The following ADAMTSL1 variants were observed in gnomAD, a reference collection of about 807,000 sequenced individuals.
ADAMTSL1 encodes the protein ADAMTS like 1.
In ADAMTSL1, 126 loss-of-function variants were observed where a neutral mutation model predicts 201.8. That is an observed-to-expected ratio of 0.62 (90% confidence interval 0.54 to 0.72). The LOEUF is 0.72. Ranked by LOEUF, ADAMTSL1 falls within the 30% of genes least tolerant of loss-of-function variation. The pLI is 0.00. For synonymous variants in ADAMTSL1, 1,121 were observed against 903.4 expected (o/e 1.24, Z -4.32); for missense variants, 2,679 against 2,277.8 (o/e 1.18, Z -3.59).
chr9:18,160,751 C>A (rs1443900762), intron 1 of ADAMTSL1, among the ~76,000 whole-genome samples: 3 of 151,384 alleles, frequency 2.0e-5, no homozygotes, highest in Non-Finnish European at 4.4e-5. Flanking sequence ...ACAGTCATGG[C>A]TCACTCTAGC....
At chr9:18,161,556 T>C (rs919256394) in intron 1 of ADAMTSL1, among the ~76,000 whole-genome samples, 1 of 152,094 alleles carries the variant, frequency 6.6e-6, no homozygotes, top group African/African-American at 2.4e-5. Flanking sequence ...AATTCTGGAT[T>C]ACTGTAAACC....
At chr9:18,481,435 C>A (rs965502620) in intron 1 of ADAMTSL1, among the ~76,000 whole-genome samples, 1 of 151,588 alleles carries the variant, frequency 6.6e-6, no homozygotes, top group African/African-American at 2.4e-5. Context: ...ATCCCAGCTA[C>A]GGAGATTAAG....
intron 2 of ADAMTSL1, among the ~76,000 whole-genome samples, chr9:18,305,114 C>T (rs546573201): frequency 6.6e-6 from 1 of 152,284 alleles, no homozygotes; most frequent in African/African-American, 2.4e-5. Context: ...GTCAGGAACT[C>T]CCTCTCCTAG....
chr9:18,697,948 C>T (rs1831658377), intron 13 of ADAMTSL1, among the ~76,000 whole-genome samples: 2 of 152,126 alleles, frequency 1.3e-5, no homozygotes, highest in Non-Finnish European at 2.9e-5. Context: ...TAGTTAAGAG[C>T]ACAAAACCTT....
In ADAMTSL1 at chr9:17,945,461, A is replaced by G. The variant is rs893379550; in HGVS notation, c.87+38539A>G. On this transcript the variant is annotated intron_variant, in intron 1 of 29. Transcript: ENST00000680146. The stretch of plus-strand genomic sequence containing the variant: ...TACCATTTGACCCAGCCATCCCATT[A>G]CTGGGTATATACCCAAAGGATTATA... 7.7e-3 allele frequency among the ~76,000 whole-genome samples: 1,161 copies of G among 149,962 alleles called. 3 individuals carry two copies. Among genetic ancestry groups the G allele is most frequent in the Non-Finnish European group, 0.012 (811 of 67,614 alleles).
chr9:18,661,797 A>G, intron 8 of ADAMTSL1, 138 bp from the exon 9 acceptor site: 2 of 905,624 alleles, frequency 2.2e-6, no homozygotes, highest in Non-Finnish European at 3.2e-6. Context: ...TGAGCCTTCC[A>G]ATTATGTGTC....
chr9:18,658,486 A>C (rs1023187393), intron 8 of ADAMTSL1, among the ~76,000 whole-genome samples: 2 of 152,226 alleles, frequency 1.3e-5, no homozygotes, highest in Non-Finnish European at 2.9e-5. Context: ...TACCAGGAAA[A>C]AAAATCTCTG....
chr9:18,522,601 C>G (rs1349275854), intron 2 of ADAMTSL1, among the ~76,000 whole-genome samples: 2 of 146,040 alleles, frequency 1.4e-5, no homozygotes, highest in Non-Finnish European at 3.0e-5. Context: ...TCCCCACACC[C>G]CATGACAGGC....
intron 4 of ADAMTSL1, among the ~76,000 whole-genome samples, chr9:18,583,000 C>G (rs1823213360): frequency 6.6e-6 from 1 of 152,220 alleles, no homozygotes; most frequent in South Asian, 2.1e-4. Flanking sequence ...GTGAGGCTGC[C>G]CCAGCCACAT....
chr9:18,565,481 C>T (rs1821824226), intron 3 of ADAMTSL1, among the ~76,000 whole-genome samples: 1 of 150,828 alleles, frequency 6.6e-6, no homozygotes, highest in African/African-American at 2.4e-5. Flanking sequence ...ACCTTTTGCA[C>T]CAGGAAAAAG....
Position 18,909,354 on chromosome 9 carries a change from A to C in ADAMTSL1, c.*806A>C, listed in dbSNP as rs986725215. 2 of 152,238 alleles carry C rather than the reference A, an allele frequency of 1.3e-5. No homozygotes were observed. Among genetic ancestry groups the C allele is most frequent in the Non-Finnish European group, 2.9e-5 (2 of 68,080 alleles). 9.4% of individuals were successfully genotyped at this position (152,238 alleles called of 1,614,324 possible). On this transcript the variant is annotated 3_prime_UTR_variant, in exon 29 of 29. Coordinates refer to ENST00000380548, the MANE Select transcript of ADAMTSL1 (RefSeq NM_001040272.6). ...CTCAGAGCCCTGCTGCCCACAACAG[A>C]GCACTGCGCTGCGTGGGAGTCCCCA...
intron 1 of ADAMTSL1, among the ~76,000 whole-genome samples, chr9:17,927,271 T>G (rs1274329378): frequency 6.6e-6 from 1 of 152,210 alleles, no homozygotes; most frequent in Non-Finnish European, 1.5e-5. Flanking sequence ...AATATTCCAC[T>G]GCATGAATGT....
At chr9:18,651,872 C>T (rs906276220) in intron 7 of ADAMTSL1, among the ~76,000 whole-genome samples, 1 of 151,618 alleles carries the variant, frequency 6.6e-6, no homozygotes, top group Non-Finnish European at 1.5e-5. Context: ...AGAGAAATCC[C>T]ATGTCCAAAA....
At chr9:18,237,697 T>G (rs1419966618) in intron 2 of ADAMTSL1, among the ~76,000 whole-genome samples, 3 of 152,238 alleles carry the variant, frequency 2.0e-5, no homozygotes, top group Non-Finnish European at 4.4e-5. Context: ...GAATCTTTTT[T>G]TGTTGTGCTC....
rs555958272 is a variant in ADAMTSL1 at position 18,486,377 on chromosome 9, C to T, written c.63+12082C>T. Reference sequence around the variant, plus strand: ...GACTTAACCCTTTATTCACTCTCAGCGAGCTTTTAAAAATAGAGGCTATTT... The same window carrying T: ...GACTTAACCCTTTATTCACTCTCAGTGAGCTTTTAAAAATAGAGGCTATTT... On this transcript the variant is annotated intron_variant, in intron 1 of 28. Coordinates refer to ENST00000380548, the MANE Select transcript of ADAMTSL1 (RefSeq NM_001040272.6). Among the ~76,000 whole-genome samples, 46 of 152,250 alleles carry T rather than the reference C, an allele frequency of 3.0e-4. No individual in the cohort carries two copies. In the South Asian group the frequency reaches 4.8e-3, roughly 16 times the overall value.
chr9:18,638,358 GA>G (rs1266685271), intron 6 of ADAMTSL1, among the ~76,000 whole-genome samples: 1 of 152,224 alleles, frequency 6.6e-6, no homozygotes, highest in South Asian at 2.1e-4. Flanking sequence ...TTTTTCTGCT[GA>G]GGAATCTCTG....
At position 18,673,455 on chromosome 9, in the gene ADAMTSL1, C is replaced by A. The variant is rs532889590; in HGVS notation, c.1086-2402C>A. 4.6e-5 allele frequency among the ~76,000 whole-genome samples: 7 copies of A among 152,338 alleles called. 1 individual carries two copies. The highest frequency in any genetic ancestry group is 1.7e-4 in the African/African-American group (7 of 41,588). ...GTCACTTTATGAGTCTTCACCATGACCCATGTCATAGAAGACAAATATAGC... is the reference window on the plus strand; with the variant it reads ...GTCACTTTATGAGTCTTCACCATGAACCATGTCATAGAAGACAAATATAGC... On this transcript the variant is annotated intron_variant, in intron 9 of 28. Transcript: ENST00000380548.
chr9:18,459,592 G>A (rs949575705), intron 2 of ADAMTSL1, among the ~76,000 whole-genome samples: 9 of 152,070 alleles, frequency 5.9e-5, no homozygotes, highest in African/African-American at 1.7e-4. Flanking sequence ...TCATGACTTC[G>A]TTAATCCAGT....
chr9:18,903,964 C>CT lies in ADAMTSL1; in HGVS notation c.4852-1807dup, dbSNP rs34983014. Among the ~76,000 whole-genome samples, 1,078 of 149,546 alleles carry CT rather than the reference C, an allele frequency of 7.2e-3. 8 individuals carry two copies. Among genetic ancestry groups the CT allele is most frequent in the African/African-American group, 0.018 (731 of 40,818 alleles). On this transcript the variant is annotated intron_variant, in intron 26 of 28. Transcript: ENST00000380548. Reference sequence around the variant, plus strand: ...TGAGATATACTTCATGTTTTAATCACTTTTTTTTTTTAGAGATGGGGTCTC... The same window carrying CT: ...TGAGATATACTTCATGTTTTAATCACTTTTTTTTTTTTAGAGATGGGGTCTC...
Sources: allele counts gnomAD v4.1 joint callset (sites outside exome capture counted in the v4.1 genomes callset), GRCh38; gene constraint gnomAD v4.1.1; transcripts MANE v1.5; gene names NCBI Gene and HGNC (gene_info 2026-07-23, HGNC 2026-07-21).